PDE6B: variants seen among roughly 807,000 people sequenced by gnomAD.
PDE6B encodes the protein phosphodiesterase 6B, also known as rod cGMP-specific 3',5'-cyclic phosphodiesterase subunit beta.
A neutral mutation model predicts 109.0 loss-of-function variants in PDE6B; 106 were observed. The ratio of observed to expected loss-of-function variants is 0.97; its 90% CI spans 0.83 to 1.14. The LOEUF (loss-of-function observed/expected upper bound fraction) is 1.14, where lower values mean the gene tolerates loss of function less well. Ranked by LOEUF, PDE6B falls within the 50% of genes most tolerant of loss-of-function variation. The pLI is 0.00. For synonymous variants in PDE6B, 490 were observed against 471.3 expected (o/e 1.04, Z -0.51); for missense variants, 1,193 against 1,155.6 (o/e 1.03, Z -0.47).
At chr4:643,530 T>C (rs1303177665) in intron 3 of PDE6B, among the ~76,000 whole-genome samples, 1 of 152,198 alleles carries the variant, frequency 6.6e-6, no homozygotes, top group East Asian at 1.9e-4. Context: ...CCAGTGAAAC[T>C]ATTAGGGACT....
chr4:670,237 TA>T lies in PDE6B; in HGVS notation c.*132del. The T allele has an allele frequency of 5.8e-6, 8 of 1,371,282 alleles. No homozygotes were observed. Among genetic ancestry groups the T allele is most frequent in the East Asian group, 2.5e-5 (1 of 39,912 alleles). The allele number at this position is 1,371,282 out of a possible 1,614,324, so 84.9% of individuals were successfully genotyped here. A position where few individuals can be genotyped will look rare whatever the true frequency, so the allele number is the denominator to read the frequency against. On this transcript the variant is annotated 3_prime_UTR_variant, in exon 22 of 22. Coordinates refer to ENST00000496514, the MANE Select transcript of PDE6B (RefSeq NM_000283.4). Reference sequence around the variant, plus strand: ...TGACTGAAGATCATTCTGGATATTTTAATTTTTTTTTTTTTTTTTTTTTGAG... The same window carrying T: ...TGACTGAAGATCATTCTGGATATTTTATTTTTTTTTTTTTTTTTTTTTGAG...
At chr4:627,632 G>T (rs1734176777) in intron 1 of PDE6B, among the ~76,000 whole-genome samples, 1 of 151,980 alleles carries the variant, frequency 6.6e-6, no homozygotes, top group Non-Finnish European at 1.5e-5. Flanking sequence ...GGGGCCTGGG[G>T]TGGACACCAG....
In PDE6B at chr4:636,977, A is replaced by G. The variant is rs1734716118; in HGVS notation, c.711+1008A>G. 6.6e-6 allele frequency among the ~76,000 whole-genome samples: 1 copy of G among 152,250 alleles called. No homozygotes were observed. Among genetic ancestry groups the G allele is most frequent in the Non-Finnish European group, 1.5e-5 (1 of 68,046 alleles). ...GTGGGAACCAGGGACCAGGGAGAGCATCTGTGTAATGTATCTGGAATTCTT... is the reference window on the plus strand; with the variant it reads ...GTGGGAACCAGGGACCAGGGAGAGCGTCTGTGTAATGTATCTGGAATTCTT... On this transcript the variant is annotated intron_variant, in intron 3 of 21. Coordinates refer to ENST00000496514, the MANE Select transcript of PDE6B (RefSeq NM_000283.4). This position sits in a 1 kb window ranked among gnomAD's most constrained non-coding sequence, Gnocchi z 4.5.
At chr4:653,530 G>A (rs1444356751) in intron 3 of PDE6B, 9 of 485,242 alleles carry the variant, frequency 1.9e-5, no homozygotes, top group South Asian at 4.1e-5. Flanking sequence ...TGGAGCAGCC[G>A]GGCGGAGGAA....
intron 9 of PDE6B, 108 bp from the exon 10 acceptor site, chr4:657,243 G>A: frequency 4.5e-6 from 6 of 1,327,280 alleles, no homozygotes; most frequent in Non-Finnish European, 6.4e-6. Context: ...CGACACCATG[G>A]TGGCAGCCCC....
In PDE6B at chr4:625,675, G is replaced by C; in HGVS notation, c.49G>C (p.Asp17His). 2.5e-6 allele frequency: 4 copies of C among 1,613,932 alleles called. No homozygotes were observed. The South Asian group carries it at 3.3e-5, about 13-fold the overall frequency. Residue 17 changes from aspartate to histidine, a missense_variant, in exon 1 of 22, where the codon GAT (aspartate) becomes CAT (histidine). Asp to His is a moderately conservative substitution (Grantham distance 81). Transcript: ENST00000496514. The surrounding 1 kb of genome is among the most constrained non-coding windows in gnomAD (Gnocchi z 5.0). ...CCGGAGCTTTCTGGACCAGAACCCCGATTTTGCCCGCCAGTACTTTGGGAA... is the reference window on the plus strand; with the variant it reads ...CCGGAGCTTTCTGGACCAGAACCCCCATTTTGCCCGCCAGTACTTTGGGAA... ...QARSFLDQNPDFARQYFGKKL... is the reference protein window; with the variant it reads ...QARSFLDQNPHFARQYFGKKL...
At position 664,846 on chromosome 4, in the gene PDE6B, G is replaced by T. The variant is rs748998079; in HGVS notation, c.2130-35G>T. ...TATAAACCACCTGCCCTCAGGAGAC[G>T]CCCATCAGCACTCGTGCCCGGTTTG... On this transcript the variant is annotated intron_variant, in intron 17 of 21. Transcript: ENST00000496514. 1.1e-5 allele frequency: 17 copies of T among 1,562,124 alleles called. 1 individual carries two copies. The South Asian group carries it at 1.8e-4, about 16-fold the overall frequency.
chr4:656,895 G>T lies in PDE6B; in HGVS notation c.1129G>T (p.Gly377Trp), dbSNP rs373742526. The T allele has an allele frequency of 3.1e-6, 5 of 1,612,882 alleles. No homozygotes were observed. In the East Asian group the frequency reaches 1.1e-4, roughly 36 times the overall value. The change falls in exon 9 of 22, where the codon GGG (glycine) becomes TGG (tryptophan). Residue 377 changes from glycine to tryptophan, a missense_variant. Physicochemically the swap from Gly to Trp is radical, Grantham distance 184 (BLOSUM62 -2). Transcript: ENST00000496514. Reference protein sequence around the residue: ...KFQEGALDDSGWLIKNVLSMP... With the variant: ...KFQEGALDDSWWLIKNVLSMP... ...GCAGGAAGGGGCCCTGGACGACTCC[G>T]GGTGGCTCATCAAGAATGTGCTGTC...
intron 5 of PDE6B, 29 bp from the exon 6 acceptor site, chr4:654,795 C>T (rs763086457): frequency 3.2e-6 from 4 of 1,239,722 alleles, no homozygotes; most frequent in East Asian, 2.3e-5. Context: ...GGCCAGGCAG[C>T]CCCCCGACCA....
chr4:642,700 C>A (rs2109151452), intron 3 of PDE6B, among the ~76,000 whole-genome samples: 1 of 132,330 alleles, frequency 7.6e-6, no homozygotes, highest in Admixed American at 7.8e-5. Context: ...CCACTGCACT[C>A]CAACCTGGAC....
chr4:651,196 G>A (rs1240605573), intron 3 of PDE6B, among the ~76,000 whole-genome samples: 2 of 150,508 alleles, frequency 1.3e-5, no homozygotes, highest in Non-Finnish European at 3.0e-5. Flanking sequence ...TCACAGGCGG[G>A]GCAGGGGCTG....
At position 634,747 on chromosome 4, in the gene PDE6B, T is replaced by G. The variant is rs145046594; in HGVS notation, c.539T>G (p.Ile180Ser). 4 of 1,612,766 alleles carry G rather than the reference T, an allele frequency of 2.5e-6. No homozygotes were observed. The highest frequency in any genetic ancestry group is 3.4e-6 in the Non-Finnish European group (4 of 1,178,776). ...YKTKNMLATP[I>S]MNGKDVVAVI... ...ACAAAGAATATGCTGGCCACACCCA[T>G]CATGAATGGCAAAGACGTCGTGGCG... The change falls in exon 2 of 22, where the codon ATC becomes AGC. Residue 180 changes from isoleucine to serine, a missense_variant. Transcript: ENST00000496514.
chr4:655,889 G>A (rs371553443), intron 6 of PDE6B, 51 bp from the exon 7 acceptor site: 19 of 1,055,738 alleles, frequency 1.8e-5, no homozygotes, highest in South Asian at 3.7e-5. Context: ...ACTCCTGCAC[G>A]CGCACATCCA....
In PDE6B at chr4:664,232, G is replaced by A. The variant is rs779135130; in HGVS notation, c.2129+11G>A. The A allele has an allele frequency of 6.8e-7, 1 of 1,464,276 alleles. No homozygotes were observed. The highest frequency in any genetic ancestry group is 1.4e-5 in the African/African-American group (1 of 71,938). The allele number at this position is 1,464,276 out of a possible 1,614,324, so 90.7% of individuals were successfully genotyped here. A position where few individuals can be genotyped will look rare whatever the true frequency, so the allele number is the denominator to read the frequency against. ...GAAGGAGATCGTCATGTGAGCGCGG[G>A]CGGAGGGGGCACGAGGGGTCCTTCC... On this transcript the variant is annotated intron_variant, in intron 17 of 21. Transcript: ENST00000496514.
At chr4:630,112 G>A (rs1371045398) in intron 1 of PDE6B, among the ~76,000 whole-genome samples, 2 of 152,200 alleles carry the variant, frequency 1.3e-5, no homozygotes, top group Non-Finnish European at 2.9e-5. Flanking sequence ...CCAGAGAGGA[G>A]AGACGGGGGG....
intron 1 of PDE6B, among the ~76,000 whole-genome samples, chr4:630,513 C>T (rs1734331894): frequency 6.6e-6 from 1 of 152,092 alleles, no homozygotes; most frequent in Admixed American, 6.5e-5. Flanking sequence ...GGCAGACTTA[C>T]AAAAAAGTAA....
rs555414885 is a variant in PDE6B at position 654,559 on chromosome 4, G to T, written c.928-265G>T. On this transcript the variant is annotated intron_variant, in intron 5 of 21. Transcript: ENST00000496514. ...ACAGATGTAAACCGCGGCGTGTGAT[G>T]CGTGTCCCGTGAGTATTGGGGACGG... is the stretch of plus-strand genomic sequence containing the variant. The T allele has an allele frequency of 2.0e-5, 12 of 607,240 alleles. No individual in the cohort carries two copies. In the South Asian group the frequency reaches 2.2e-4, roughly 11 times the overall value. The allele number at this position is 607,240 out of a possible 1,614,324, so 37.6% of individuals were successfully genotyped here. A position where few individuals can be genotyped will look rare whatever the true frequency, so the allele number is the denominator to read the frequency against.
At position 663,664 on chromosome 4, in the gene PDE6B, G is replaced by A; in HGVS notation, c.1921-106G>A. The A allele has an allele frequency of 1.2e-6, 1 of 801,300 alleles. No homozygotes were observed. The highest frequency in any genetic ancestry group is 2.2e-6 in the Non-Finnish European group (1 of 460,350). 49.6% of individuals were successfully genotyped at this position (801,300 alleles called of 1,614,324 possible). Reference sequence around the variant, plus strand: ...GGTCCCGCCCACCGAGGGCCCGAGGGCGGGGGCGTGAGAGGCACAGGCAGC... The same window carrying A: ...GGTCCCGCCCACCGAGGGCCCGAGGACGGGGGCGTGAGAGGCACAGGCAGC... On this transcript the variant is annotated intron_variant, in intron 15 of 21. Coordinates refer to ENST00000496514, the MANE Select transcript of PDE6B (RefSeq NM_000283.4). This position sits in a 1 kb window ranked among gnomAD's most constrained non-coding sequence, Gnocchi z 4.0.
rs1737689530 is a variant in PDE6B at position 665,457 on chromosome 4, CT to C, written c.2268+131del. 1 of 720,220 alleles carries C rather than the reference CT, an allele frequency of 1.4e-6. No homozygotes were observed. The allele number at this position is 720,220 out of a possible 1,614,324, so 44.6% of individuals were successfully genotyped here. On this transcript the variant is annotated intron_variant, in intron 19 of 21. Transcript: ENST00000496514. This position sits in a 1 kb window ranked among gnomAD's most constrained non-coding sequence, Gnocchi z 4.0. ...CTGAGGTCGTGGGGTCCTTATCTCA[CT>C]TTGTGGGATCATGTGACATGCGTGT... is the stretch of plus-strand genomic sequence containing the variant.
Sources: gnomAD v4.1 joint callset for allele counts (sites outside exome capture counted in the v4.1 genomes callset) on GRCh38, gnomAD v4.1.1 for gene constraint, Gnocchi (gnomAD v3.1) non-coding constraint, MANE v1.5 for transcripts, NCBI Gene and HGNC (gene_info 2026-07-23, HGNC 2026-07-21) for gene names.